The following RBM26 variants were observed in gnomAD, a reference collection of about 807,000 sequenced individuals.
The protein encoded by RBM26 is RNA-binding protein 26.
In RBM26, 30 loss-of-function variants were observed where a neutral mutation model predicts 123.6. The ratio of observed to expected loss-of-function variants is 0.24; its 90% CI spans 0.18 to 0.33. The LOEUF is 0.33. RBM26 is among the 10% of genes least tolerant of loss of function. The pLI is 1.00. For missense variants in RBM26, 947 were observed against 1,203.6 expected (o/e 0.79, Z 3.15); for synonymous variants, 400 against 404.4 (o/e 0.99, Z 0.13).
chr13:79,397,633 G>A (rs1437745394), intron 1 of RBM26, among the ~76,000 whole-genome samples: 2 of 124,632 alleles, frequency 1.6e-5, no homozygotes, highest in Non-Finnish European at 3.1e-5. Context: ...AGTGAGCTGA[G>A]ATCACGCCAC....
At chr13:79,330,889 C>A (rs572226196) in intron 20 of RBM26, among the ~76,000 whole-genome samples, 1 of 152,290 alleles carries the variant, frequency 6.6e-6, no homozygotes, top group South Asian at 2.1e-4. Flanking sequence ...GTGCCCATCA[C>A]ATAGCAGCAC....
At chr13:79,396,616 A>G (rs1233550536) in intron 1 of RBM26, among the ~76,000 whole-genome samples, 2 of 152,192 alleles carry the variant, frequency 1.3e-5, no homozygotes, top group African/African-American at 4.8e-5. Flanking sequence ...AAATCCTCAC[A>G]ACAAAAATTT....
chr13:79,375,603 C>T (rs937297925), intron 3 of RBM26, among the ~76,000 whole-genome samples: 15 of 152,080 alleles, frequency 9.9e-5, no homozygotes, highest in Non-Finnish European at 1.9e-4. Flanking sequence ...TCCCTTTCTT[C>T]CTAACAGAAC....
At position 79,377,251 on chromosome 13, in the gene RBM26, T is replaced by C. The variant is rs1237452873; in HGVS notation, c.327+128A>G. The C allele has an allele frequency of 1.5e-5, 11 of 715,324 alleles. No individual in the cohort carries two copies. In the South Asian group the frequency reaches 2.0e-4, roughly 13 times the overall value. 44.3% of individuals were successfully genotyped at this position (715,324 alleles called of 1,614,324 possible). On this transcript the variant is annotated intron_variant, in intron 3 of 21. Transcript: ENST00000438737. ...ATATGCAGAGTCCTATGAGTCCTCC[T>C]AGAAAAATCATTTAAACTGGGAGTG...
intron 2 of RBM26, among the ~76,000 whole-genome samples, chr13:79,377,923 G>A (rs1026188684): frequency 1.8e-4 from 5 of 27,900 alleles, no homozygotes; most frequent in African/African-American, 5.6e-4. Context: ...GCAAGACTCC[G>A]TCTCAAAAAA....
intron 10 of RBM26, 31 bp from the exon 11 acceptor site, chr13:79,358,464 T>C: frequency 1.3e-6 from 2 of 1,577,462 alleles, no homozygotes; most frequent in East Asian, 4.6e-5. Flanking sequence ...AGTCAATACA[T>C]TTATAAATCC....
At chr13:79,366,242 A>G (rs781766376) in intron 7 of RBM26, 47 bp from the exon 8 acceptor site, 2 of 1,587,954 alleles carry the variant, frequency 1.3e-6, no homozygotes, top group East Asian at 2.2e-5. Flanking sequence ...GCAAACAAAT[A>G]AAACAAGTTA....
chr13:79,366,790 A>G lies in RBM26; in HGVS notation c.978T>C (p.Pro326=), dbSNP rs759094640. The G allele has an allele frequency of 3.7e-6, 6 of 1,613,888 alleles. No homozygotes were observed. The Admixed American group carries it at 8.3e-5, about 22-fold the overall frequency. The change falls in exon 7 of 22, where the codon CCT becomes CCC. Residue 326 remains proline, a synonymous_variant. Coordinates refer to ENST00000438737, the MANE Select transcript of RBM26 (RefSeq NM_001366735.2). The stretch of plus-strand genomic sequence containing the variant: ...GCTGTGCTGGGAAAGGCAGCATACC[A>G]GGAAGATTCACATCTTCTACAACTA... ...DPVVVEDVNL[P]GMLPFPAQPP...
chr13:79,344,944 A>G (rs1288316745), intron 14 of RBM26, 150 bp from the exon 15 acceptor site: 8 of 675,710 alleles, frequency 1.2e-5, no homozygotes, highest in East Asian at 9.9e-5. Context: ...TAACGAAATC[A>G]TATTTGGTGA....
At position 79,320,133 on chromosome 13, in the gene RBM26, T is replaced by G; in HGVS notation, c.*488A>C. ...CACAGTCCAACAAAAGGCTAATACA[T>G]AGTAAAGCCTAAGCATACTACTATG... On this transcript the variant is annotated 3_prime_UTR_variant, in exon 22 of 22. Coordinates refer to ENST00000438737, the MANE Select transcript of RBM26 (RefSeq NM_001366735.2). 2.1e-6 allele frequency: 2 copies of G among 965,430 alleles called. No homozygotes were observed. Among genetic ancestry groups the G allele is most frequent in the South Asian group, 4.8e-5 (1 of 20,872 alleles). 59.8% of individuals were successfully genotyped at this position (965,430 alleles called of 1,614,324 possible).
intron 1 of RBM26, among the ~76,000 whole-genome samples, chr13:79,396,643 C>T (rs1388955259): frequency 6.6e-6 from 1 of 151,782 alleles, no homozygotes; most frequent in Non-Finnish European, 1.5e-5. Context: ...CAGATGGCTT[C>T]ACTGGTGAAG....
intron 1 of RBM26, among the ~76,000 whole-genome samples, chr13:79,403,514 A>T (rs1440434885): frequency 6.6e-6 from 1 of 152,236 alleles, no homozygotes; most frequent in Non-Finnish European, 1.5e-5. Flanking sequence ...CTTAAAGGAA[A>T]GCTATTTCAA....
chr13:79,391,587 C>T (rs2077998422), intron 1 of RBM26, among the ~76,000 whole-genome samples: 1 of 152,078 alleles, frequency 6.6e-6, no homozygotes, highest in African/African-American at 2.4e-5. Flanking sequence ...CAACACCAGG[C>T]TGATTTTTAT....
At position 79,322,459 on chromosome 13, in the gene RBM26, C is replaced by T; in HGVS notation, c.2824G>A (p.Ala942Thr). ...FKTRAEAEAAAVHGARFKGQD... is the reference protein window; with the variant it reads ...FKTRAEAEAATVHGARFKGQD... ...CCTTTGAAACGAGCTCCATGAACTG[C>T]AGCCTAAAATGATTAAAAATATTGG... Residue 942 changes from alanine (A) to threonine (T), a missense_variant, in exon 21 of 22, where the codon GCA becomes ACA. Coordinates refer to ENST00000438737, the MANE Select transcript of RBM26 (RefSeq NM_001366735.2). The T allele has an allele frequency of 1.3e-6, 2 of 1,549,528 alleles. No individual in the cohort carries two copies. The highest frequency in any genetic ancestry group is 1.3e-5 in the South Asian group (1 of 79,256).
At chr13:79,346,959 C>T (rs1388743568) in intron 14 of RBM26, among the ~76,000 whole-genome samples, 1 of 152,092 alleles carries the variant, frequency 6.6e-6, no homozygotes, top group Non-Finnish European at 1.5e-5. Flanking sequence ...TATCGTAACC[C>T]AATTTTCCAG....
chr13:79,381,533 A>T (rs922804872), intron 1 of RBM26, among the ~76,000 whole-genome samples: 1 of 152,104 alleles, frequency 6.6e-6, no homozygotes, highest in Admixed American at 6.6e-5. Flanking sequence ...GTTGTGGTGA[A>T]TTTTTAACTT....
chr13:79,367,890 T>A (rs1394218877), intron 6 of RBM26, among the ~76,000 whole-genome samples: 1 of 152,144 alleles, frequency 6.6e-6, no homozygotes, highest in East Asian at 1.9e-4. Flanking sequence ...TAAATATAAT[T>A]TTTGTCATAT....
intron 1 of RBM26, among the ~76,000 whole-genome samples, chr13:79,380,588 G>A (rs948375298): frequency 2.0e-5 from 3 of 151,886 alleles, no homozygotes; most frequent in Non-Finnish European, 4.4e-5. Context: ...AACAACCAGG[G>A]TAATTAGCCT....
chr13:79,320,369 AGTAT>A lies in RBM26; in HGVS notation c.*248_*251del. ...AAAGAATTCTGTGATGTCCAGTAGA[AGTAT>A]GTAATAAAAACATTGCATATGTTTC... On this transcript the variant is annotated 3_prime_UTR_variant, in exon 22 of 22. Coordinates refer to ENST00000438737, the MANE Select transcript of RBM26 (RefSeq NM_001366735.2). 3 of 1,093,558 alleles carry A rather than the reference AGTAT, an allele frequency of 2.7e-6. No individual in the cohort carries two copies. Among genetic ancestry groups the A allele is most frequent in the Non-Finnish European group, 3.3e-6 (3 of 898,578 alleles). 67.7% of individuals were successfully genotyped at this position (1,093,558 alleles called of 1,614,324 possible).
Sources: gnomAD v4.1 joint callset for allele counts (sites outside exome capture counted in the v4.1 genomes callset) on GRCh38, gnomAD v4.1.1 for gene constraint, MANE v1.5 for transcripts, NCBI Gene and HGNC (gene_info 2026-07-23, HGNC 2026-07-21) for gene names.